DSCAML1: variants seen among roughly 807,000 people sequenced by gnomAD.
DSCAML1 encodes the protein cell adhesion molecule DSCAML1.
In DSCAML1, 38 loss-of-function variants were observed where a neutral mutation model predicts 200.5. The observed-to-expected ratio is 0.19, with a 90% CI of 0.15 to 0.25. The LOEUF is 0.25. Ranked by LOEUF, DSCAML1 falls within the 10% of genes least tolerant of loss-of-function variation. The pLI is 1.00. For synonymous variants in DSCAML1, 1,215 were observed against 1,165.0 expected (o/e 1.04, Z -0.87); for missense variants, 2,223 against 2,858.8 (o/e 0.78, Z 5.07).
intron 1 of DSCAML1, among the ~76,000 whole-genome samples, chr11:117,791,379 G>C (rs1347407971): frequency 6.6e-6 from 1 of 152,236 alleles, no homozygotes; most frequent in Non-Finnish European, 1.5e-5. Flanking sequence ...CAACAGTTAT[G>C]AGGGCTCCCT....
At chr11:117,436,330 A>G (rs2047915227) in intron 26 of DSCAML1, among the ~76,000 whole-genome samples, 1 of 151,998 alleles carries the variant, frequency 6.6e-6, no homozygotes, top group Admixed American at 6.5e-5. Context: ...TGCTGACATA[A>G]CCCTCTGCCA....
intron 3 of DSCAML1, among the ~76,000 whole-genome samples, chr11:117,652,368 C>T (rs1449559022): frequency 2.6e-5 from 4 of 152,228 alleles, no homozygotes; most frequent in Non-Finnish European, 5.9e-5. Flanking sequence ...GAGCAGATGA[C>T]ACTGCCCAGA....
rs142766588 is a variant in DSCAML1, at chr11:117,463,010, G to A, written c.3266-1414C>T. On this transcript the variant is annotated intron_variant, in intron 17 of 32. Transcript: ENST00000651296. This position sits in a 1 kb window ranked among gnomAD's most constrained non-coding sequence, Gnocchi z 4.0. ...GACAGAGGCCAGAGGTGGGCCTGGC[G>A]TGGCCCGGGTGGTGCATGGGAGCTT... Among the ~76,000 whole-genome samples the A allele has an allele frequency of 0.016, 2,469 of 152,338 alleles. 81 individuals are homozygous for A. The highest frequency in any genetic ancestry group is 0.056 in the African/African-American group (2,317 of 41,574).
chr11:117,623,706 T>G (rs1338106299), intron 3 of DSCAML1, among the ~76,000 whole-genome samples: 5 of 152,218 alleles, frequency 3.3e-5, no homozygotes, highest in Non-Finnish European at 7.3e-5. Flanking sequence ...AAAGATTAAA[T>G]TAATCAATGC....
chr11:117,621,181 GCTTCTA>G (rs2051920825), intron 3 of DSCAML1, among the ~76,000 whole-genome samples: 1 of 152,202 alleles, frequency 6.6e-6, no homozygotes, highest in Non-Finnish European at 1.5e-5. Context: ...CTGAAAGAAG[GCTTCTA>G]CCACTTACTA....
Position 117,532,431 on chromosome 11 carries a change from C to T in DSCAML1, c.603G>A (p.Lys201=). Residue 201 remains lysine, a synonymous_variant, in exon 4 of 33, where the codon AAG becomes AAA. Coordinates refer to ENST00000651296, the MANE Select transcript of DSCAML1 (RefSeq NM_020693.4). ...DALSTYRCIT[K]HKYSGETRQS... is the part of the protein sequence containing the mutation. Reference sequence around the variant, plus strand: ...GCCGGGTCTCCCCGCTATACTTGTGCTTGGTGATGCAGCGATAGGTGGAGA... The same window carrying T: ...GCCGGGTCTCCCCGCTATACTTGTGTTTGGTGATGCAGCGATAGGTGGAGA... 6.2e-7 allele frequency: 1 copy of T among 1,614,160 alleles called. No individual in the cohort carries two copies. Among genetic ancestry groups the T allele is most frequent in the Non-Finnish European group, 8.5e-7 (1 of 1,180,024 alleles).
chr11:117,608,643 C>T (rs1418169496), intron 3 of DSCAML1, among the ~76,000 whole-genome samples: 2 of 152,142 alleles, frequency 1.3e-5, no homozygotes, highest in African/African-American at 2.4e-5. Context: ...AATAATTCCC[C>T]ATTGTTGGGT....
chr11:117,453,850 T>C (rs2048328441), intron 19 of DSCAML1, among the ~76,000 whole-genome samples: 2 of 151,780 alleles, frequency 1.3e-5, no homozygotes, highest in African/African-American at 4.8e-5. Flanking sequence ...TTTAAGCAAT[T>C]CTCTGCCTCA....
intron 1 of DSCAML1, among the ~76,000 whole-genome samples, chr11:117,783,998 G>A (rs1392204485): frequency 1.3e-5 from 2 of 152,192 alleles, no homozygotes; most frequent in Non-Finnish European, 2.9e-5. Context: ...CTCGGATCTT[G>A]CTGGAGCCAA....
chr11:117,685,518 G>A (rs2053388716), intron 3 of DSCAML1, among the ~76,000 whole-genome samples: 1 of 152,150 alleles, frequency 6.6e-6, no homozygotes, highest in South Asian at 2.1e-4. Flanking sequence ...GGCAGACCTG[G>A]GGTCCCAGCA....
At chr11:117,653,773 T>G (rs2137626458) in intron 3 of DSCAML1, among the ~76,000 whole-genome samples, 1 of 152,302 alleles carries the variant, frequency 6.6e-6, no homozygotes. Flanking sequence ...ATAGCAGCAT[T>G]ACTCACAATA....
intron 21 of DSCAML1, among the ~76,000 whole-genome samples, chr11:117,442,276 G>T (rs1023040616): frequency 2.6e-5 from 4 of 151,088 alleles, no homozygotes; most frequent in African/African-American, 4.9e-5. Flanking sequence ...GTATTAGTGT[G>T]TATAGTGTGT....
chr11:117,738,455 G>A lies in DSCAML1; in HGVS notation c.511+38336C>T, dbSNP rs577846061. Among the ~76,000 whole-genome samples, 61 of 151,932 alleles carry A rather than the reference G, an allele frequency of 4.0e-4. No homozygotes were observed. The South Asian group carries it at 0.011, about 29-fold the overall frequency. ...CTGACGTCAGCATTACTCATACAACGTCAATGTCAACCATGCTTCCTCCTC... is the reference window on the plus strand; with the variant it reads ...CTGACGTCAGCATTACTCATACAACATCAATGTCAACCATGCTTCCTCCTC... On this transcript the variant is annotated intron_variant, in intron 3 of 32. Transcript: ENST00000651296.
chr11:117,567,190 C>T (rs1228646571), intron 3 of DSCAML1, among the ~76,000 whole-genome samples: 1 of 152,232 alleles, frequency 6.6e-6, no homozygotes, highest in Admixed American at 6.5e-5. Context: ...TTTACGGTCC[C>T]ACTAACAGTG....
At chr11:117,501,146 G>A (rs987174927) in intron 11 of DSCAML1, among the ~76,000 whole-genome samples, 1 of 152,108 alleles carries the variant, frequency 6.6e-6, no homozygotes, top group Non-Finnish European at 1.5e-5. Context: ...AAATCAGAAT[G>A]GGGGAGTGGG....
chr11:117,696,342 G>A (rs1165757362), intron 3 of DSCAML1, among the ~76,000 whole-genome samples: 4 of 152,216 alleles, frequency 2.6e-5, no homozygotes, highest in Admixed American at 1.3e-4. Context: ...TTGGGGTATC[G>A]AGAAAGGAAG....
chr11:117,594,000 A>T (rs2051314300), intron 3 of DSCAML1, among the ~76,000 whole-genome samples: 1 of 152,150 alleles, frequency 6.6e-6, no homozygotes, highest in Non-Finnish European at 1.5e-5. Context: ...GGTGTGAGCC[A>T]CCACACTGGG....
intron 3 of DSCAML1, among the ~76,000 whole-genome samples, chr11:117,590,966 C>A (rs1460476651): frequency 6.6e-6 from 1 of 152,092 alleles, no homozygotes; most frequent in Non-Finnish European, 1.5e-5. Context: ...CACTTCAGCA[C>A]AAAACAGGGG....
intron 3 of DSCAML1, among the ~76,000 whole-genome samples, chr11:117,646,947 G>A (rs565791961): frequency 6.6e-5 from 10 of 152,274 alleles, no homozygotes; most frequent in East Asian, 1.9e-4. Flanking sequence ...TGATCGTGAC[G>A]TGAGTTTGAT....
Sources: allele counts gnomAD v4.1 joint callset (sites outside exome capture counted in the v4.1 genomes callset), GRCh38; gene constraint gnomAD v4.1.1; non-coding constraint Gnocchi (gnomAD v3.1); transcripts MANE v1.5; gene names NCBI Gene and HGNC (gene_info 2026-07-23, HGNC 2026-07-21).